MTDH: variants seen among roughly 807,000 people sequenced by gnomAD.
MTDH encodes metadherin.
MTDH carries 34 observed loss-of-function variants against 72.7 expected under a neutral mutation model. That is an observed-to-expected ratio of 0.47 (90% CI 0.36 to 0.62). The LOEUF (loss-of-function observed/expected upper bound fraction) is 0.62, where lower values mean the gene tolerates loss of function less well. Ranked by LOEUF, MTDH falls within the 20% of genes least tolerant of loss-of-function variation. The pLI, the probability that MTDH is intolerant of heterozygous loss-of-function variation, is 0.00. For missense variants in MTDH, 677 were observed against 699.4 expected, an observed-to-expected ratio of 0.97 and a Z score of 0.36; for synonymous variants, 266 against 268.9, an observed-to-expected ratio of 0.99 and a Z score of 0.10.
intron 1 of MTDH, among the ~76,000 whole-genome samples, chr8:97,659,919 GA>G (rs767352683): frequency 4.0e-4 from 61 of 152,218 alleles, no homozygotes; most frequent in Non-Finnish European, 7.9e-4. Flanking sequence ...AGCACTTTGG[GA>G]GGCCAAGATG....
At position 97,650,649 on chromosome 8, in the gene MTDH, C is replaced by T. The variant is rs76133915; in HGVS notation, c.381+5762C>T. Among the ~76,000 whole-genome samples the T allele has an allele frequency of 2.7e-3, 413 of 152,312 alleles. 3 individuals carry two copies. Among genetic ancestry groups the T allele is most frequent in the African/African-American group, 9.5e-3 (396 of 41,560 alleles). On this transcript the variant is annotated intron_variant, in intron 1 of 11. Transcript: ENST00000336273. ...TTCAACTGTAAAGCCTTCCCTAGCT[C>T]CTCAGCTAGAGTTATATATTGTAAC...
intron 2 of MTDH, among the ~76,000 whole-genome samples, chr8:97,676,420 A>G (rs1337198724): frequency 1.3e-5 from 2 of 152,170 alleles, no homozygotes; most frequent in Non-Finnish European, 2.9e-5. Flanking sequence ...TTTGGCATGA[A>G]TTGTACACTA....
At chr8:97,692,765 T>TCCA (rs1813665661) in intron 6 of MTDH, among the ~76,000 whole-genome samples, 1 of 152,002 alleles carries the variant, frequency 6.6e-6, no homozygotes, top group Admixed American at 6.6e-5. Context: ...GGTCTCTCTC[T>TCCA]GTTACCCAGG....
At chr8:97,696,325 C>T in intron 6 of MTDH, 1 of 955,578 alleles carries the variant, frequency 1.0e-6, no homozygotes, top group Non-Finnish European at 1.2e-6. Context: ...GTTCAGCTAA[C>T]AAAAACATTT....
chr8:97,709,942 G>T (rs996588457), intron 8 of MTDH, among the ~76,000 whole-genome samples: 3 of 152,152 alleles, frequency 2.0e-5, no homozygotes, highest in Non-Finnish European at 2.9e-5. Context: ...GTATTTTGCC[G>T]TGGGAAACTA....
In MTDH at chr8:97,724,602, A is replaced by C. The variant is rs1485089931; in HGVS notation, c.1681A>C (p.Lys561Gln). ...GTTTTCCCCCTTTTCTTTTTTAGCC[A>C]AGTCTGAAACTAGCTGGGAATCTCC... ...KQNSVPPSQT[K>Q]SETSWESPKQ... Residue 561 changes from lysine (K) to glutamine (Q), a missense_variant and splice_region_variant, in exon 12 of 12, where the codon AAG becomes CAG. Transcript: ENST00000336273. 6.3e-7 allele frequency: 1 copy of C among 1,581,698 alleles called. No homozygotes were observed. The highest frequency in any genetic ancestry group is 2.0e-5 in the Admixed American group (1 of 49,748).
intron 5 of MTDH, among the ~76,000 whole-genome samples, chr8:97,689,721 T>G (rs1002525388): frequency 1.3e-4 from 20 of 151,016 alleles, no homozygotes; most frequent in African/African-American, 4.6e-4. Context: ...TTTTTTTTTT[T>G]TGGGAAATGG....
At chr8:97,714,604 CAA>C (rs1312798896) in intron 9 of MTDH, among the ~76,000 whole-genome samples, 16 of 123,772 alleles carry the variant, frequency 1.3e-4, no homozygotes, top group Non-Finnish European at 1.0e-4. Context: ...GAACCTGTCT[CAA>C]AAAAAAAAAA....
intron 2 of MTDH, among the ~76,000 whole-genome samples, chr8:97,666,310 A>T (rs1184861496): frequency 1.3e-5 from 2 of 152,194 alleles, no homozygotes; most frequent in African/African-American, 2.4e-5. Flanking sequence ...AATTTTTATG[A>T]TGCTACACAA....
chr8:97,661,003 C>T (rs992766826), intron 1 of MTDH, 69 bp from the exon 2 acceptor site: 3 of 1,240,624 alleles, frequency 2.4e-6, no homozygotes, highest in African/African-American at 3.0e-5. Context: ...ATATGGTTTC[C>T]TGCGTATAAA....
At chr8:97,650,755 G>C (rs1226722653) in intron 1 of MTDH, among the ~76,000 whole-genome samples, 4 of 151,726 alleles carry the variant, frequency 2.6e-5, no homozygotes, top group African/African-American at 9.7e-5. Context: ...TTTTTGAGCT[G>C]GGGTCTCACT....
At chr8:97,693,800 C>T (rs934453353) in intron 6 of MTDH, among the ~76,000 whole-genome samples, 12 of 152,142 alleles carry the variant, frequency 7.9e-5, no homozygotes, top group East Asian at 1.9e-4. Flanking sequence ...ACTGCAGCCT[C>T]GACTTCCAGG....
At chr8:97,689,535 A>G (rs1813499884) in intron 5 of MTDH, among the ~76,000 whole-genome samples, 1 of 151,852 alleles carries the variant, frequency 6.6e-6, no homozygotes, top group East Asian at 1.9e-4. Flanking sequence ...CAAATATTTC[A>G]CAATGGATTA....
intron 2 of MTDH, among the ~76,000 whole-genome samples, chr8:97,678,594 CTTTTTTTTTTTTTTTTTT>C (rs35895126): frequency 5.7e-4 from 49 of 85,326 alleles, no homozygotes; most frequent in Admixed American, 3.0e-3. Context: ...TTCCTTCCTT[CTTTTTTTTTTTTTTTTTT>C]TTTTTTGAGA....
chr8:97,700,790 G>A, intron 7 of MTDH, among the ~76,000 whole-genome samples: 1 of 152,172 alleles, frequency 6.6e-6, no homozygotes, highest in East Asian at 1.9e-4. Context: ...AATGGAGGAG[G>A]GTGGTATTCA....
At chr8:97,697,932 A>G (rs1813937991) in intron 6 of MTDH, among the ~76,000 whole-genome samples, 1 of 152,218 alleles carries the variant, frequency 6.6e-6, no homozygotes, top group Non-Finnish European at 1.5e-5. Context: ...CACCAGTGTT[A>G]CAGTACTGCT....
intron 8 of MTDH, 118 bp downstream of exon 8, chr8:97,706,868 C>T: frequency 8.0e-7 from 1 of 1,250,320 alleles, no homozygotes; most frequent in Non-Finnish European, 1.1e-6. Context: ...TGCTTGAGCC[C>T]AGGAGTTCAA....
chr8:97,659,404 A>G (rs916245319), intron 1 of MTDH, among the ~76,000 whole-genome samples: 1 of 152,238 alleles, frequency 6.6e-6, no homozygotes, highest in Non-Finnish European at 1.5e-5. Flanking sequence ...TAGCTGTCTG[A>G]CTTTAACAAG....
rs554228897 is a variant in MTDH, at chr8:97,654,930, T to C, written c.382-6142T>C. ...GCCTGGGCAACATGGCAAAACCCTG[T>C]CTCTACAAAAAATTAACTAGGCATG... On this transcript the variant is annotated intron_variant, in intron 1 of 11. Coordinates refer to ENST00000336273, the MANE Select transcript of MTDH (RefSeq NM_178812.4). Among the ~76,000 whole-genome samples the C allele has an allele frequency of 2.6e-4, 40 of 152,084 alleles. 1 individual carries two copies. The highest frequency in any genetic ancestry group is 9.2e-4 in the Admixed American group (14 of 15,262).
Sources: gnomAD v4.1 joint callset for allele counts (sites outside exome capture counted in the v4.1 genomes callset) on GRCh38, gnomAD v4.1.1 for gene constraint, MANE v1.5 for transcripts, NCBI Gene and HGNC (gene_info 2026-07-23, HGNC 2026-07-21) for gene names.